Variants in ENTREP2 observed in about 807,000 individuals in gnomAD.
ENTREP2 encodes endosomal transmembrane epsin interactor 2.
At chr15:29,348,411 G>C in the ENTREP2 span, among the ~76,000 whole-genome samples, 1 of 152,182 alleles carries the variant, frequency 6.6e-6, no homozygotes, top group Admixed American at 6.5e-5. Flanking sequence ...CCGCAGGGCT[G>C]CAGCTACGTG....
chr15:29,576,661 A>G, the ENTREP2 span, among the ~76,000 whole-genome samples: 20 of 152,220 alleles, frequency 1.3e-4, no homozygotes, highest in Non-Finnish European at 2.4e-4. Context: ...TGGGAAAATG[A>G]CTTGAATAGA....
the ENTREP2 span, among the ~76,000 whole-genome samples, chr15:29,482,164 A>ATT: frequency 0.4 from 54,222 of 134,852 alleles, 11,241 homozygotes; most frequent in African/African-American, 0.52. Flanking sequence ...CAGGCAGCTA[A>ATT]TTTTTTTTTT....
chr15:29,224,321 A>G, the ENTREP2 span, among the ~76,000 whole-genome samples: 2 of 152,252 alleles, frequency 1.3e-5, no homozygotes, highest in East Asian at 1.9e-4. Context: ...GTTTGGACCC[A>G]AAGAGTGAGC....
chr15:29,523,565 T>TG, the ENTREP2 span, among the ~76,000 whole-genome samples: 1 of 139,020 alleles, frequency 7.2e-6, no homozygotes, highest in African/African-American at 3.0e-5. Context: ...AGCTAGATTT[T>TG]TTTTTTTTTT....
the ENTREP2 span, among the ~76,000 whole-genome samples, chr15:29,408,713 T>G: frequency 6.6e-6 from 1 of 152,320 alleles, no homozygotes; most frequent in African/African-American, 2.4e-5. Context: ...TCTGAGAGAT[T>G]TCCCCCAATT....
At chr15:29,562,329 G>A in the ENTREP2 span, among the ~76,000 whole-genome samples, 2 of 152,300 alleles carry the variant, frequency 1.3e-5, no homozygotes, top group African/African-American at 4.8e-5. Flanking sequence ...AATTTGGAGA[G>A]GTTTATGATG....
the ENTREP2 span, among the ~76,000 whole-genome samples, chr15:29,297,476 C>T: frequency 6.6e-6 from 1 of 152,130 alleles, no homozygotes; most frequent in African/African-American, 2.4e-5. Context: ...ATAACTAGTA[C>T]CATCTCTATA....
At chr15:29,448,419 A>T in the ENTREP2 span, among the ~76,000 whole-genome samples, 2 of 152,246 alleles carry the variant, frequency 1.3e-5, no homozygotes, top group Admixed American at 6.5e-5. Flanking sequence ...CCAGAACGTC[A>T]GGATGAGTAC....
At chr15:29,290,911 C>T in the ENTREP2 span, among the ~76,000 whole-genome samples, 1 of 152,230 alleles carries the variant, frequency 6.6e-6, no homozygotes, top group Non-Finnish European at 1.5e-5. Flanking sequence ...AAGGCTCTCA[C>T]TTAATCCCAA....
the ENTREP2 span, among the ~76,000 whole-genome samples, chr15:29,635,044 C>T: frequency 2.0e-5 from 3 of 152,092 alleles, no homozygotes; most frequent in East Asian, 3.9e-4. Context: ...GGGGTTTCAC[C>T]GTGTTAGCCA....
At chr15:29,367,864 C>T in the ENTREP2 span, among the ~76,000 whole-genome samples, 2 of 151,290 alleles carry the variant, frequency 1.3e-5, no homozygotes, top group Non-Finnish European at 2.9e-5. Flanking sequence ...TCAGAAAAGT[C>T]ATCAACAATA....
the ENTREP2 span, among the ~76,000 whole-genome samples, chr15:29,455,933 A>G: frequency 3.9e-5 from 6 of 152,176 alleles, no homozygotes; most frequent in African/African-American, 1.4e-4. Flanking sequence ...ATCTCCCATC[A>G]TCCCCAGATG....
chr15:29,630,046 G>T, the ENTREP2 span, among the ~76,000 whole-genome samples: 3 of 152,152 alleles, frequency 2.0e-5, no homozygotes, highest in Admixed American at 6.5e-5. Context: ...AACCCAGGAG[G>T]CGGAGGGTGC....
At chr15:29,505,712 C>T in the ENTREP2 span, among the ~76,000 whole-genome samples, 9 of 152,108 alleles carry the variant, frequency 5.9e-5, no homozygotes, top group African/African-American at 1.7e-4. The surrounding 1 kb of genome is among the most constrained non-coding windows in gnomAD (Gnocchi z 4.3). Flanking sequence ...GCAATAGCAT[C>T]GACATCAACA....
At chr15:29,144,883 T>C in the ENTREP2 span, among the ~76,000 whole-genome samples, 1 of 150,786 alleles carries the variant, frequency 6.6e-6, no homozygotes, top group East Asian at 1.9e-4. Context: ...CTACTAAAAA[T>C]AAAAAAAATA....
At chr15:29,559,675 G>A in the ENTREP2 span, among the ~76,000 whole-genome samples, 4 of 152,102 alleles carry the variant, frequency 2.6e-5, no homozygotes, top group East Asian at 3.9e-4. Context: ...CAGTCACTGC[G>A]TTCATCATCC....
At chr15:29,674,559 C>T in the ENTREP2 span, among the ~76,000 whole-genome samples, 1 of 152,126 alleles carries the variant, frequency 6.6e-6, no homozygotes, top group Non-Finnish European at 1.5e-5. Context: ...TGAGCCACCG[C>T]GCCCGGCTTG....
chr15:29,560,071 T>C, the ENTREP2 span, among the ~76,000 whole-genome samples: 1 of 152,136 alleles, frequency 6.6e-6, no homozygotes, highest in African/African-American at 2.4e-5. Flanking sequence ...AGAGCAGAAG[T>C]GGAGAAGCCA....
At chr15:29,584,403 T>C in the ENTREP2 span, among the ~76,000 whole-genome samples, 7,608 of 151,976 alleles carry the variant, frequency 0.05, 596 homozygotes, top group East Asian at 0.35. Context: ...TAATCATCCA[T>C]TGATGGATGA....
Sources: gnomAD v4.1 joint callset for allele counts (sites outside exome capture counted in the v4.1 genomes callset) on GRCh38, gnomAD v4.1.1 for gene constraint, Gnocchi (gnomAD v3.1) non-coding constraint, MANE v1.5 for transcripts, NCBI Gene and HGNC (gene_info 2026-07-23, HGNC 2026-07-21) for gene names.